ATP9A: variants seen among roughly 807,000 people sequenced by gnomAD.
ATP9A encodes the protein probable phospholipid-transporting ATPase IIA.
ATP9A carries 52 observed loss-of-function variants against 144.1 expected under a neutral mutation model. The observed-to-expected ratio is 0.36, with a 90% CI of 0.29 to 0.45. The LOEUF is 0.45. Among genes scored for constraint, ATP9A ranks in the 20% least tolerant of loss-of-function variants. The probability of loss-of-function intolerance (pLI) is 1.00; values close to 1 mark genes in which losing one functional copy is unlikely to be tolerated. For synonymous variants in ATP9A, 582 were observed against 557.4 expected (o/e 1.04, Z -0.62); for missense variants, 947 against 1,392.7 (o/e 0.68, Z 5.09).
At chr20:51,679,237 C>G (rs1188079230) in intron 9 of ATP9A, among the ~76,000 whole-genome samples, 1 of 152,068 alleles carries the variant, frequency 6.6e-6, no homozygotes, top group Non-Finnish European at 1.5e-5. Flanking sequence ...GGCAGGAGAA[C>G]TGCTTGAACC....
chr20:51,605,334 C>T (rs182660097), intron 26 of ATP9A, among the ~76,000 whole-genome samples: 96 of 152,286 alleles, frequency 6.3e-4, no homozygotes, highest in African/African-American at 2.1e-3. Flanking sequence ...ATGATGGAGT[C>T]GCGGCCAGGC....
At chr20:51,737,416 C>A (rs1236902882) in intron 1 of ATP9A, among the ~76,000 whole-genome samples, 2 of 152,182 alleles carry the variant, frequency 1.3e-5, no homozygotes, top group Non-Finnish European at 2.9e-5. Context: ...CTTTATGCCT[C>A]TCTCCCTTAT....
chr20:51,673,426 G>A (rs1327173636), intron 11 of ATP9A, among the ~76,000 whole-genome samples: 1 of 152,084 alleles, frequency 6.6e-6, no homozygotes, highest in Non-Finnish European at 1.5e-5. Context: ...AATCAGGTAG[G>A]CAAAGGACTG....
chr20:51,762,557 G>A (rs2077885486), intron 1 of ATP9A, among the ~76,000 whole-genome samples: 1 of 151,942 alleles, frequency 6.6e-6, no homozygotes, highest in African/African-American at 2.4e-5. Flanking sequence ...TACGCAGGAG[G>A]CCGATGCATG....
At chr20:51,691,698 A>G (rs2077549297) in intron 7 of ATP9A, among the ~76,000 whole-genome samples, 1 of 152,240 alleles carries the variant, frequency 6.6e-6, no homozygotes, top group Non-Finnish European at 1.5e-5. Flanking sequence ...TCCTCAAAAA[A>G]TTAATCAGAA....
chr20:51,749,950 G>C (rs891061359), intron 1 of ATP9A, among the ~76,000 whole-genome samples: 1 of 151,958 alleles, frequency 6.6e-6, no homozygotes, highest in African/African-American at 2.4e-5. Context: ...AGACCAGCCT[G>C]GGCAACATGG....
intron 24 of ATP9A, among the ~76,000 whole-genome samples, chr20:51,609,863 G>A (rs1252917778): frequency 6.6e-6 from 1 of 152,174 alleles, no homozygotes; most frequent in Non-Finnish European, 1.5e-5. Context: ...AAATGGCAAA[G>A]TGCAACACAC....
chr20:51,685,272 C>G (rs1455358810), intron 9 of ATP9A, among the ~76,000 whole-genome samples: 1 of 151,984 alleles, frequency 6.6e-6, no homozygotes, highest in African/African-American at 2.4e-5. Flanking sequence ...CAACAGCCAT[C>G]CTGTTTTTAT....
At chr20:51,677,050 C>A (rs2077480471) in intron 9 of ATP9A, among the ~76,000 whole-genome samples, 1 of 149,948 alleles carries the variant, frequency 6.7e-6, no homozygotes, top group Non-Finnish European at 1.5e-5. Flanking sequence ...CCTCCCACTT[C>A]AGCCTCCCGA....
chr20:51,663,811 A>AAC (rs2077421674), intron 13 of ATP9A, among the ~76,000 whole-genome samples: 1 of 151,760 alleles, frequency 6.6e-6, no homozygotes, highest in Non-Finnish European at 1.5e-5. Context: ...AAAAAAAAAA[A>AAC]ACAAGAGAAC....
At chr20:51,755,771 A>G (rs1175837512) in intron 1 of ATP9A, among the ~76,000 whole-genome samples, 2 of 152,094 alleles carry the variant, frequency 1.3e-5, no homozygotes, top group African/African-American at 4.8e-5. Flanking sequence ...CTGGCTAACA[A>G]GGTGAAACCT....
intron 4 of ATP9A, 81 bp downstream of exon 4, chr20:51,712,884 CG>C (rs1413957055): frequency 7.8e-7 from 1 of 1,274,496 alleles, no homozygotes; most frequent in African/African-American, 1.5e-5. Flanking sequence ...ACCTGCGGCC[CG>C]GGCCTTGAAC....
rs369022854 is a variant in ATP9A at position 51,739,420 on chromosome 20, C to T, written c.69-9442G>A. Among the ~76,000 whole-genome samples, 42 of 148,678 alleles carry T rather than the reference C, an allele frequency of 2.8e-4. No individual in the cohort carries two copies. The South Asian group carries it at 4.9e-3, about 17-fold the overall frequency. ...GGCTGGAGTGCAGGTGACACAATCT[C>T]GGCTCACTGCAAGCTCTGCCTCCCA... On this transcript the variant is annotated intron_variant, in intron 1 of 27. Transcript: ENST00000338821.
intron 3 of ATP9A, among the ~76,000 whole-genome samples, chr20:51,723,930 G>A (rs762084339): frequency 1.3e-5 from 2 of 152,072 alleles, no homozygotes; most frequent in African/African-American, 2.4e-5. Context: ...CAGCACTTTC[G>A]GAGGCCGAGG....
At chr20:51,692,866 C>T (rs1199828059) in intron 7 of ATP9A, among the ~76,000 whole-genome samples, 1 of 152,116 alleles carries the variant, frequency 6.6e-6, no homozygotes, top group Non-Finnish European at 1.5e-5. Flanking sequence ...GGTGTTATTT[C>T]ACTTTTTATT....
At chr20:51,610,015 G>C in intron 24 of ATP9A, 86 bp downstream of exon 24, 1 of 1,300,322 alleles carries the variant, frequency 7.7e-7, no homozygotes, top group African/African-American at 1.5e-5. Flanking sequence ...GGGAACCCAA[G>C]AATTTTTCCA....
intron 3 of ATP9A, among the ~76,000 whole-genome samples, chr20:51,724,013 T>C (rs2077701419): frequency 6.6e-6 from 1 of 151,608 alleles, no homozygotes; most frequent in Admixed American, 6.6e-5. Flanking sequence ...CTACTAAAAA[T>C]ACAAAAAATT....
At position 51,656,980 on chromosome 20, in the gene ATP9A, G is replaced by A. The variant is rs754968383; in HGVS notation, c.1464C>T (p.Tyr488=). Residue 488 remains tyrosine (Y), a synonymous_variant, in exon 14 of 28, where the codon TAC becomes TAT. Coordinates refer to ENST00000338821, the MANE Select transcript of ATP9A (RefSeq NM_006045.3). ...CCTGGTATACGCGGCAGGAGTCTTC[G>A]TACTGCTTCTCGGCCTCAGCCTGAT... The part of the protein sequence containing the change: ...VTDQAEAEKQ[Y]EDSCRVYQAS... The A allele has an allele frequency of 1.4e-5, 23 of 1,614,026 alleles. No individual in the cohort carries two copies. In the East Asian group the frequency reaches 3.3e-4, roughly 23 times the overall value.
intron 1 of ATP9A, among the ~76,000 whole-genome samples, chr20:51,744,303 C>CTT (rs2077798238): frequency 6.6e-6 from 1 of 152,026 alleles, no homozygotes; most frequent in African/African-American, 2.4e-5. Context: ...GTAGCTGGGA[C>CTT]TACAGGCCTG....
Sources: allele counts gnomAD v4.1 joint callset (sites outside exome capture counted in the v4.1 genomes callset), GRCh38; gene constraint gnomAD v4.1.1; transcripts MANE v1.5; gene names NCBI Gene and HGNC (gene_info 2026-07-23, HGNC 2026-07-21).